ME3: variants seen among roughly 807,000 people sequenced by gnomAD.
ME3 encodes the protein NADP-dependent malic enzyme, mitochondrial.
In ME3, 48 loss-of-function variants were observed where a neutral mutation model predicts 68.9. The observed-to-expected ratio is 0.70, with a 90% CI of 0.55 to 0.89. The LOEUF is 0.89. Among genes scored for constraint, ME3 ranks in the 40% least tolerant of loss-of-function variants. ME3 has a pLI of 0.00. For synonymous variants in ME3, 320 were observed against 318.8 expected (o/e 1.00, Z -0.04); for missense variants, 675 against 797.4 (o/e 0.85, Z 1.85).
At chr11:86,671,776 G>T in exon 2 of ME3, 1 of 1,603,104 alleles carries the variant, frequency 6.2e-7, no homozygotes, top group Non-Finnish European at 8.5e-7. Context: ...TTGAGATGAG[G>T]GTTCCTGGTG....
At chr11:86,646,305 A>G (rs1175062244) in intron 2 of ME3, among the ~76,000 whole-genome samples, 2 of 152,234 alleles carry the variant, frequency 1.3e-5, no homozygotes, top group Non-Finnish European at 2.9e-5. Flanking sequence ...GAACCTTGAT[A>G]AAAGGTTACA....
At chr11:86,593,247 G>A (rs988034241) in intron 2 of ME3, among the ~76,000 whole-genome samples, 1 of 147,696 alleles carries the variant, frequency 6.8e-6, no homozygotes, top group Non-Finnish European at 1.5e-5. Flanking sequence ...ACCAGGCACC[G>A]TACAACACGA....
At chr11:86,580,677 C>G (rs552464486) in intron 2 of ME3, among the ~76,000 whole-genome samples, 112 of 152,296 alleles carry the variant, frequency 7.4e-4, no homozygotes, top group African/African-American at 2.6e-3. Context: ...AGAAAACCTA[C>G]CCAAGATTAT....
At position 86,541,566 on chromosome 11, in the gene ME3, C is replaced by G. The variant is rs182706388; in HGVS notation, c.467+14987G>C. Among the ~76,000 whole-genome samples, 9 of 152,350 alleles carry G rather than the reference C, an allele frequency of 5.9e-5. No homozygotes were observed. In the East Asian group the frequency reaches 1.5e-3, roughly 26 times the overall value. The stretch of plus-strand genomic sequence containing the variant: ...CTGGGTGGAGACCACTACAGTACCA[C>G]AAAGCCACTGTAGCCAGACTGCCTC... On this transcript the variant is annotated intron_variant, in intron 4 of 14. Coordinates refer to ENST00000543262, the Ensembl canonical transcript of ME3.
chr11:86,446,567 T>C (rs1949310963), intron 12 of ME3, 80 bp from the exon 13 acceptor site: 5 of 1,379,830 alleles, frequency 3.6e-6, no homozygotes, highest in African/African-American at 1.4e-5. Context: ...ATCTTCCAAA[T>C]GTTGGACCCT....
chr11:86,608,396 A>G (rs2135175728), intron 2 of ME3, among the ~76,000 whole-genome samples: 1 of 152,348 alleles, frequency 6.6e-6, no homozygotes, highest in Non-Finnish European at 1.5e-5. Flanking sequence ...CAAAGTATGC[A>G]TGAGATGGAA....
intron 2 of ME3, among the ~76,000 whole-genome samples, chr11:86,629,729 G>A (rs1213268988): frequency 1.3e-5 from 2 of 152,166 alleles, no homozygotes; most frequent in African/African-American, 4.8e-5. Context: ...AGGAGTATTT[G>A]AGGCTTTGAG....
intron 2 of ME3, among the ~76,000 whole-genome samples, chr11:86,581,142 A>G (rs921881550): frequency 6.6e-6 from 1 of 152,186 alleles, no homozygotes; most frequent in Admixed American, 6.5e-5. Flanking sequence ...AAAAAAATAT[A>G]TAGATTTCAG....
chr11:86,434,949 G>A, the ME3 span: 3 of 152,204 alleles, frequency 2.0e-5, no homozygotes, highest in African/African-American at 7.2e-5. Flanking sequence ...GCAGTGGGAA[G>A]TTTTATTGTT....
chr11:86,512,197 C>T (rs969245726), intron 4 of ME3, among the ~76,000 whole-genome samples: 2 of 152,180 alleles, frequency 1.3e-5, no homozygotes, highest in Non-Finnish European at 2.9e-5. Flanking sequence ...CATACCATTC[C>T]TTCTGCCTAA....
intron 4 of ME3, among the ~76,000 whole-genome samples, chr11:86,513,171 A>G (rs1953659332): frequency 6.6e-6 from 1 of 152,236 alleles, no homozygotes; most frequent in Non-Finnish European, 1.5e-5. Flanking sequence ...TTTGTTGAAG[A>G]TAAGAAGGAG....
At chr11:86,644,925 G>A (rs1452568168) in intron 2 of ME3, among the ~76,000 whole-genome samples, 2 of 152,208 alleles carry the variant, frequency 1.3e-5, no homozygotes, top group Non-Finnish European at 2.9e-5. Context: ...CAGAAGCAGG[G>A]TGGGGCATCG....
intron 4 of ME3, among the ~76,000 whole-genome samples, chr11:86,551,230 C>T (rs563791662): frequency 1.3e-5 from 2 of 152,232 alleles, no homozygotes; most frequent in South Asian, 4.2e-4. Flanking sequence ...ATGCGTTTAG[C>T]CCTTCTGACC....
intron 2 of ME3, among the ~76,000 whole-genome samples, chr11:86,639,274 A>C (rs1349735942): frequency 6.6e-6 from 1 of 152,242 alleles, no homozygotes; most frequent in African/African-American, 2.4e-5. Context: ...ATGGAAATGC[A>C]TGAGCTGAGT....
intron 6 of ME3, among the ~76,000 whole-genome samples, chr11:86,495,817 G>T (rs1404397618): frequency 6.6e-6 from 1 of 152,092 alleles, no homozygotes; most frequent in Non-Finnish European, 1.5e-5. Context: ...GTAACTTTCT[G>T]GTCTAGTCTC....
chr11:86,662,329 A>G (rs1594823498), intron 2 of ME3, among the ~76,000 whole-genome samples: 1 of 152,334 alleles, frequency 6.6e-6, no homozygotes, highest in Non-Finnish European at 1.5e-5. Context: ...CTGTCATATA[A>G]GAACAATAAC....
chr11:86,448,242 A>G, exon 11 of ME3: 1 of 1,613,922 alleles, frequency 6.2e-7, no homozygotes, highest in South Asian at 1.1e-5. Context: ...TTCATGGTTC[A>G]GGTGGCTCCT....
intron 6 of ME3, among the ~76,000 whole-genome samples, chr11:86,492,832 G>A (rs774009980): frequency 2.6e-5 from 4 of 152,222 alleles, no homozygotes; most frequent in Admixed American, 6.5e-5. Context: ...GATTTCAGCT[G>A]GAAGACAGAT....
chr11:86,620,677 C>G (rs537204724), intron 2 of ME3, among the ~76,000 whole-genome samples: 1 of 152,208 alleles, frequency 6.6e-6, no homozygotes, highest in Non-Finnish European at 1.5e-5. Flanking sequence ...ATTTGTTCTG[C>G]AGCTTACAAA....
Sources: gnomAD v4.1 joint callset for allele counts (sites outside exome capture counted in the v4.1 genomes callset) on GRCh38, gnomAD v4.1.1 for gene constraint, MANE v1.5 for transcripts, NCBI Gene and HGNC (gene_info 2026-07-23, HGNC 2026-07-21) for gene names.